FOXD2: variants seen among roughly 807,000 people sequenced by gnomAD.
FOXD2 encodes the protein forkhead box D2, also known as forkhead box protein D2.
Under a neutral mutation model 6.4 loss-of-function variants are expected in FOXD2, and 4 were observed. The ratio of observed to expected loss-of-function variants is 0.62; its 90% CI spans 0.31 to 1.42. The LOEUF (loss-of-function observed/expected upper bound fraction) is 1.42. Ranked by LOEUF, FOXD2 falls within the 40% of genes most tolerant of loss-of-function variation. The pLI is 0.08. For missense variants in FOXD2, 709 were observed against 766.8 expected (o/e 0.92, Z 0.89); for synonymous variants, 393 against 373.6 (o/e 1.05, Z -0.60).
chr1:47,438,948 G>C lies in FOXD2; in HGVS notation c.813G>C (p.Gly271=). The part of the protein sequence containing the change: ...AAYGAYGYGY[G]LALPAYGAPP... ...ACGGCGCCTACGGCTACGGCTACGG[G>C]CTGGCTCTCCCGGCCTACGGCGCAC... is the stretch of plus-strand genomic sequence containing the variant. The change falls in exon 1 of 1, where the codon GGG becomes GGC. Residue 271 remains glycine, a synonymous_variant. Transcript: ENST00000334793. The C allele has an allele frequency of 6.6e-7, 1 of 1,517,844 alleles. No homozygotes were observed. 94.0% of individuals were successfully genotyped at this position (1,517,844 alleles called of 1,614,324 possible). A position where few individuals can be genotyped will look rare whatever the true frequency, so the allele number is the denominator to read the frequency against.
Position 47,440,004 on chromosome 1 carries a change from C to CT in FOXD2, c.*382dup. 1 of 223,328 alleles carries CT rather than the reference C, an allele frequency of 4.5e-6. No homozygotes were observed. The highest frequency in any genetic ancestry group is 1.1e-4 in the South Asian group (1 of 9,010). 13.8% of individuals were successfully genotyped at this position (223,328 alleles called of 1,614,324 possible). ...AAACACCAACAGAGGGTCTCCCTTT[C>CT]TGCCTTTCCCCTCTCACTTCTTCCC... On this transcript the variant is annotated 3_prime_UTR_variant, in exon 1 of 1. Transcript: ENST00000334793.
Position 47,439,176 on chromosome 1 carries a change from G to C in FOXD2, c.1041G>C (p.Pro347=). 2 of 1,437,490 alleles carry C rather than the reference G, an allele frequency of 1.4e-6. No homozygotes were observed. Among genetic ancestry groups the C allele is most frequent in the Non-Finnish European group, 1.8e-6 (2 of 1,105,218 alleles). The allele number at this position is 1,437,490 out of a possible 1,614,324, so 89.0% of individuals were successfully genotyped here. A position where few individuals can be genotyped will look rare whatever the true frequency, so the allele number is the denominator to read the frequency against. The change falls in exon 1 of 1, where the codon CCG becomes CCC. Residue 347 remains proline (P), a synonymous_variant. Transcript: ENST00000334793. ...CTGCCTCAGGCTCGGGCCCGGGCCC[G>C]GGCCCCGCAGGCCTGCCCGCCTTCC... The part of the protein sequence containing the change: ...PAPASGSGPG[P]GPAGLPAFLG...
chr1:47,439,248 G>T lies in FOXD2; in HGVS notation c.1113G>T (p.Leu371=), dbSNP rs1208151382. The change falls in exon 1 of 1, where the codon CTG becomes CTT. Residue 371 remains leucine (L), a synonymous_variant. Transcript: ENST00000334793. Reference sequence around the variant, plus strand: ...CCAAAGCCTTCTACGCGGCGTCCCTGAGTCCTCCCGCAGCCGGCACCGCGG... The same window carrying T: ...CCAAAGCCTTCTACGCGGCGTCCCTTAGTCCTCCCGCAGCCGGCACCGCGG... ...GCAKAFYAAS[L]SPPAAGTAAG... is the part of the protein sequence containing the mutation. The T allele has an allele frequency of 6.6e-7, 1 of 1,505,490 alleles. No homozygotes were observed. The highest frequency in any genetic ancestry group is 8.8e-7 in the Non-Finnish European group (1 of 1,139,046). 93.3% of individuals were successfully genotyped at this position (1,505,490 alleles called of 1,614,324 possible). A position where few individuals can be genotyped will look rare whatever the true frequency, so the allele number is the denominator to read the frequency against.
chr1:47,439,005 G>A lies in FOXD2; in HGVS notation c.870G>A (p.Pro290=), dbSNP rs538755099. 7.0e-7 allele frequency: 1 copy of A among 1,437,242 alleles called. No individual in the cohort carries two copies. Among genetic ancestry groups the A allele is most frequent in the South Asian group, 1.4e-5 (1 of 71,668 alleles). 89.0% of individuals were successfully genotyped at this position (1,437,242 alleles called of 1,614,324 possible). ...PPPGPAPHPH[P]HPHAFAFAAA... is the part of the protein sequence containing the mutation. ...CGGGGCCGGCCCCGCATCCGCACCC[G>A]CACCCGCACGCCTTCGCTTTCGCCG... Residue 290 remains proline (P), a synonymous_variant, in exon 1 of 1, where the codon CCG becomes CCA. Coordinates refer to ENST00000334793, the MANE Select transcript of FOXD2 (RefSeq NM_004474.4).
chr1:47,440,274 T>C lies in FOXD2; in HGVS notation c.*651T>C, dbSNP rs1482628485. ...CCACTCCACTGAGGAAAATCCTTTC[T>C]CTTTTGTGTTTGGGTGCTTTTAAAG... is the stretch of plus-strand genomic sequence containing the variant. On this transcript the variant is annotated 3_prime_UTR_variant, in exon 1 of 1. Transcript: ENST00000334793. 6.0e-6 allele frequency: 1 copy of C among 166,958 alleles called. No individual in the cohort carries two copies. Among genetic ancestry groups the C allele is most frequent in the African/African-American group, 2.4e-5 (1 of 41,410 alleles). 10.3% of individuals were successfully genotyped at this position (166,958 alleles called of 1,614,324 possible). A position where few individuals can be genotyped will look rare whatever the true frequency, so the allele number is the denominator to read the frequency against.
chr1:47,439,890 TG>T lies in FOXD2; in HGVS notation c.*272del. 5.1e-6 allele frequency: 2 copies of T among 392,246 alleles called. No individual in the cohort carries two copies. Among genetic ancestry groups the T allele is most frequent in the Non-Finnish European group, 9.3e-6 (2 of 214,028 alleles). 24.3% of individuals were successfully genotyped at this position (392,246 alleles called of 1,614,324 possible). A position where few individuals can be genotyped will look rare whatever the true frequency, so the allele number is the denominator to read the frequency against. On this transcript the variant is annotated 3_prime_UTR_variant, in exon 1 of 1. Transcript: ENST00000334793. ...AGTTTGAGAAATAAAAGCAGGGGGG[TG>T]GGGGCTTCGTTTTTTTCCCTGCCTC... is the stretch of plus-strand genomic sequence containing the variant.
Position 47,439,558 on chromosome 1 carries a change from G to A in FOXD2, c.1423G>A (p.Ala475Thr), listed in dbSNP as rs781445447. The change falls in exon 1 of 1, where the codon GCG becomes ACG. Residue 475 changes from alanine (A) to threonine (T), a missense_variant. Coordinates refer to ENST00000334793, the MANE Select transcript of FOXD2 (RefSeq NM_004474.4). ...CATTCGCCTCTCGCATCCCGGGGAC[G>A]CGCTGCTGTCCTCAGGGTCCCGGTT... is the stretch of plus-strand genomic sequence containing the variant. ...GHIRLSHPGD[A>T]LLSSGSRFAS... is the part of the protein sequence containing the mutation. The A allele has an allele frequency of 4.5e-6, 7 of 1,555,064 alleles. No homozygotes were observed. The highest frequency in any genetic ancestry group is 6.1e-6 in the Non-Finnish European group (7 of 1,150,192).
chr1:47,438,053 A>G lies in FOXD2; in HGVS notation c.-83A>G, dbSNP rs1249393793. The G allele has an allele frequency of 9.8e-6, 12 of 1,230,256 alleles. No individual in the cohort carries two copies. The highest frequency in any genetic ancestry group is 1.2e-5 in the Non-Finnish European group (12 of 978,638). 76.2% of individuals were successfully genotyped at this position (1,230,256 alleles called of 1,614,324 possible). On this transcript the variant is annotated 5_prime_UTR_variant, in exon 1 of 1. Transcript: ENST00000334793. ...CCCTCCCCGCCCGCGCGCAAAACGC[A>G]CTCGCCCCAGAGGCAGCGCGGCCGA... is the stretch of plus-strand genomic sequence containing the variant.
Position 47,438,885 on chromosome 1 carries a change from G to A in FOXD2, c.750G>A (p.Ala250=), listed in dbSNP as rs756537591. 9 of 1,564,846 alleles carry A rather than the reference G, an allele frequency of 5.8e-6. No homozygotes were observed. In the African/African-American group the frequency reaches 6.9e-5, roughly 12 times the overall value. The change falls in exon 1 of 1, where the codon GCG becomes GCA. Residue 250 remains alanine (A), a synonymous_variant. Coordinates refer to ENST00000334793, the MANE Select transcript of FOXD2 (RefSeq NM_004474.4). ...ELLLRGGAAA[A]GDPGAFLPGF... ...TGCTGCGTGGCGGGGCCGCGGCGGC[G>A]GGGGATCCCGGCGCTTTCCTGCCCG...
At position 47,439,942 on chromosome 1, in the gene FOXD2, G is replaced by T. The variant is rs1646998818; in HGVS notation, c.*319G>T. ...TGCGCCTCTCGGGGAACACATTCCG[G>T]GAGAGATGCCTGGCCAGGCTCCACG... On this transcript the variant is annotated 3_prime_UTR_variant, in exon 1 of 1. Coordinates refer to ENST00000334793, the MANE Select transcript of FOXD2 (RefSeq NM_004474.4). 1.2e-5 allele frequency: 4 copies of T among 338,478 alleles called. No individual in the cohort carries two copies. The highest frequency in any genetic ancestry group is 2.3e-5 in the Non-Finnish European group (4 of 177,546). The allele number at this position is 338,478 out of a possible 1,614,324, so 21.0% of individuals were successfully genotyped here.
Position 47,438,850 on chromosome 1 carries a change from C to G in FOXD2, c.715C>G (p.Pro239Ala). 1 of 1,608,644 alleles carries G rather than the reference C, an allele frequency of 6.2e-7. No individual in the cohort carries two copies. Among genetic ancestry groups the G allele is most frequent in the Non-Finnish European group, 8.5e-7 (1 of 1,178,146 alleles). The part of the protein sequence containing the change: ...PPPHPHPHPH[P>A]ELLLRGGAAA... ...GCCGCACCCACACCCGCACCCTCAC[C>G]CGGAGCTGCTGCTGCGTGGCGGGGC... The change falls in exon 1 of 1, where the codon CCG becomes GCG. Residue 239 changes from proline to alanine, a missense_variant. By Grantham distance (27) the Pro-to-Ala change is conservative. Around this residue, in one of 5 missense-constraint regions of FOXD2, gnomAD observed 98 missense variants for 91.0 expected, o/e 1.08. Coordinates refer to ENST00000334793, the MANE Select transcript of FOXD2 (RefSeq NM_004474.4).
chr1:47,438,975 C>T lies in FOXD2; in HGVS notation c.840C>T (p.Pro280=). 5 of 1,445,294 alleles carry T rather than the reference C, an allele frequency of 3.5e-6. No homozygotes were observed. Among genetic ancestry groups the T allele is most frequent in the East Asian group, 3.1e-5 (1 of 32,232 alleles). The allele number at this position is 1,445,294 out of a possible 1,614,324, so 89.5% of individuals were successfully genotyped here. A position where few individuals can be genotyped will look rare whatever the true frequency, so the allele number is the denominator to read the frequency against. The change falls in exon 1 of 1, where the codon CCC becomes CCT. Residue 280 remains proline (P), a synonymous_variant. Transcript: ENST00000334793. ...YGLALPAYGA[P]PPGPAPHPHP... is the part of the protein sequence containing the mutation. ...TGGCTCTCCCGGCCTACGGCGCACC[C>T]CCGCCGGGGCCGGCCCCGCATCCGC...
chr1:47,439,206 C>A lies in FOXD2; in HGVS notation c.1071C>A (p.Gly357=), dbSNP rs575926844. The change falls in exon 1 of 1, where the codon GGC becomes GGA. Residue 357 remains glycine, a synonymous_variant. Transcript: ENST00000334793. ...PGPAGLPAFL[G]AELGCAKAFY... is the part of the protein sequence containing the mutation. The stretch of plus-strand genomic sequence containing the variant: ...CCGCAGGCCTGCCCGCCTTCCTGGG[C>A]GCGGAGCTGGGCTGCGCCAAAGCCT... The A allele has an allele frequency of 9.1e-4, 1,323 of 1,448,332 alleles. 9 individuals are homozygous for A. The African/African-American group carries it at 0.018, about 20-fold the overall frequency. 89.7% of individuals were successfully genotyped at this position (1,448,332 alleles called of 1,614,324 possible).
rs1260964568 is a variant in FOXD2, at chr1:47,438,199, G to C, written c.64G>C (p.Glu22Gln). 6.8e-7 allele frequency: 1 copy of C among 1,460,284 alleles called. No homozygotes were observed. Among genetic ancestry groups the C allele is most frequent in the East Asian group, 3.0e-5 (1 of 33,418 alleles). 90.5% of individuals were successfully genotyped at this position (1,460,284 alleles called of 1,614,324 possible). ...SSESSPAALS[E>Q]ADADIDVVGG... The stretch of plus-strand genomic sequence containing the variant: ...CGAGAGCTCCCCGGCCGCGCTGTCC[G>C]AGGCCGACGCAGACATAGACGTGGT... Residue 22 changes from glutamate to glutamine, a missense_variant, in exon 1 of 1, where the codon GAG (glutamate) becomes CAG (glutamine). Glu to Gln is a conservative substitution (Grantham distance 29). Around this residue, in one of 5 missense-constraint regions of FOXD2, gnomAD observed 220 missense variants for 199.2 expected, o/e 1.10. Coordinates refer to ENST00000334793, the MANE Select transcript of FOXD2 (RefSeq NM_004474.4).
At position 47,438,925 on chromosome 1, in the gene FOXD2, G is replaced by T. The variant is rs1281935220; in HGVS notation, c.790G>T (p.Gly264Cys). 1.3e-6 allele frequency: 2 copies of T among 1,534,732 alleles called. No homozygotes were observed. Among genetic ancestry groups the T allele is most frequent in the East Asian group, 2.6e-5 (1 of 39,142 alleles). Residue 264 changes from glycine (G) to cysteine (C), a missense_variant, in exon 1 of 1, where the codon GGC becomes TGC. By Grantham distance (159) the Gly-to-Cys change is radical. Transcript: ENST00000334793. ...TTTCCTGCCCGGCTTCGCTGCCTAC[G>T]GCGCCTACGGCTACGGCTACGGGCT... ...GAFLPGFAAYGAYGYGYGLAL... is the reference protein window; with the variant it reads ...GAFLPGFAAYCAYGYGYGLAL...
At position 47,438,786 on chromosome 1, in the gene FOXD2, G is replaced by T; in HGVS notation, c.651G>T (p.Leu217=). The change falls in exon 1 of 1, where the codon CTG becomes CTT. Residue 217 remains leucine, a synonymous_variant. Coordinates refer to ENST00000334793, the MANE Select transcript of FOXD2 (RefSeq NM_004474.4). ...ACATGTTCGACAACGGCAGCTTCCTGCGGCGTCGCAAGCGCTTCAAGCGGC... is the reference window on the plus strand; with the variant it reads ...ACATGTTCGACAACGGCAGCTTCCTTCGGCGTCGCAAGCGCTTCAAGCGGC... The part of the protein sequence containing the change: ...SADMFDNGSF[L]RRRKRFKRQP... The T allele has an allele frequency of 1.2e-6, 2 of 1,613,328 alleles. No individual in the cohort carries two copies. The highest frequency in any genetic ancestry group is 1.7e-6 in the Non-Finnish European group (2 of 1,179,878).
rs920394446 is a variant in FOXD2, at chr1:47,438,044, G to T, written c.-92G>T. ...TCCCCCGCCCCCTCCCCGCCCGCGC[G>T]CAAAACGCACTCGCCCCAGAGGCAG... On this transcript the variant is annotated 5_prime_UTR_variant, in exon 1 of 1. Coordinates refer to ENST00000334793, the MANE Select transcript of FOXD2 (RefSeq NM_004474.4). The T allele has an allele frequency of 9.2e-6, 11 of 1,198,618 alleles. 1 individual carries two copies. Among genetic ancestry groups the T allele is most frequent in the Non-Finnish European group, 1.2e-5 (11 of 951,744 alleles). The allele number at this position is 1,198,618 out of a possible 1,614,324, so 74.2% of individuals were successfully genotyped here.
At position 47,439,220 on chromosome 1, in the gene FOXD2, G is replaced by A. The variant is rs1213368190; in HGVS notation, c.1085G>A (p.Cys362Tyr). ...LPAFLGAELG[C>Y]AKAFYAASLS... ...GCCTTCCTGGGCGCGGAGCTGGGCT[G>A]CGCCAAAGCCTTCTACGCGGCGTCC... Residue 362 changes from cysteine (C) to tyrosine (Y), a missense_variant, in exon 1 of 1, where the codon TGC becomes TAC. By Grantham distance (194) the Cys-to-Tyr change is radical. Coordinates refer to ENST00000334793, the MANE Select transcript of FOXD2 (RefSeq NM_004474.4). 2.7e-6 allele frequency: 4 copies of A among 1,482,826 alleles called. No individual in the cohort carries two copies. The highest frequency in any genetic ancestry group is 3.5e-6 in the Non-Finnish European group (4 of 1,128,652). 91.9% of individuals were successfully genotyped at this position (1,482,826 alleles called of 1,614,324 possible).
In FOXD2 at chr1:47,438,471, G is replaced by A. The variant is rs755190355; in HGVS notation, c.336G>A (p.Pro112=). The change falls in exon 1 of 1, where the codon CCG becomes CCA. Residue 112 remains proline, a synonymous_variant. Coordinates refer to ENST00000334793, the MANE Select transcript of FOXD2 (RefSeq NM_004474.4). ...AAARGAAGPG[P]GPPSGGAATR... Reference sequence around the variant, plus strand: ...CCCGCGGCGCAGCGGGGCCCGGGCCGGGACCGCCGTCGGGGGGCGCGGCGA... The same window carrying A: ...CCCGCGGCGCAGCGGGGCCCGGGCCAGGACCGCCGTCGGGGGGCGCGGCGA... 4.0e-6 allele frequency: 6 copies of A among 1,517,876 alleles called. No individual in the cohort carries two copies. The highest frequency in any genetic ancestry group is 2.3e-4 in the Middle Eastern group (1 of 4,278). The allele number at this position is 1,517,876 out of a possible 1,614,324, so 94.0% of individuals were successfully genotyped here. A position where few individuals can be genotyped will look rare whatever the true frequency, so the allele number is the denominator to read the frequency against.
Sources: allele counts gnomAD v4.1 joint callset, GRCh38; gene constraint gnomAD v4.1.1; regional missense constraint gnomAD v4.1.1; transcripts MANE v1.5; gene names NCBI Gene and HGNC (gene_info 2026-07-23, HGNC 2026-07-21).